EXT1: variants seen among roughly 807,000 people sequenced by gnomAD.
The protein encoded by EXT1 is exostosin-1.
A neutral mutation model predicts 82.5 loss-of-function variants in EXT1; 20 were observed. The ratio of observed to expected loss-of-function variants is 0.24; its 90% confidence interval spans 0.17 to 0.35. The LOEUF (loss-of-function observed/expected upper bound fraction) is 0.35. Ranked by LOEUF, EXT1 falls within the 10% of genes least tolerant of loss-of-function variation. The pLI, the probability that EXT1 is intolerant of heterozygous loss-of-function variation, is 1.00. For synonymous variants in EXT1, 348 were observed against 350.8 expected, an observed-to-expected ratio of 0.99 and a Z score of 0.09; for missense variants, 757 against 936.5, an observed-to-expected ratio of 0.81 and a Z score of 2.50.
rs567852017 is a variant in EXT1 at position 117,795,076 on chromosome 8, A to C, written c.*4636T>G. On this transcript the variant is annotated 3_prime_UTR_variant, in exon 11 of 11. Transcript: ENST00000378204. ...CAGAAATCAAATGGCCTGAGGCCTA[A>C]AAGGCAAATCATTACAAAACCAGAG... is the stretch of plus-strand genomic sequence containing the variant. The C allele has an allele frequency of 6.6e-6, 1 of 152,360 alleles. No homozygotes were observed. The highest frequency in any genetic ancestry group is 2.1e-4 in the South Asian group (1 of 4,828). 9.4% of individuals were successfully genotyped at this position (152,360 alleles called of 1,614,324 possible).
intron 1 of EXT1, among the ~76,000 whole-genome samples, chr8:117,962,749 T>TC (rs200739183): frequency 0.012 from 1,509 of 128,904 alleles, 35 homozygotes; most frequent in African/African-American, 0.048. Flanking sequence ...AAAGACTCCA[T>TC]CCCCCCACAC....
At chr8:118,044,267 GGA>G (rs1816583577) in intron 1 of EXT1, among the ~76,000 whole-genome samples, 1 of 152,166 alleles carries the variant, frequency 6.6e-6, no homozygotes, top group Non-Finnish European at 1.5e-5. Flanking sequence ...TTGATAAAAT[GGA>G]GAGTCAGAGA....
intron 1 of EXT1, among the ~76,000 whole-genome samples, chr8:117,946,478 C>T (rs1421200876): frequency 6.6e-6 from 1 of 152,172 alleles, no homozygotes; most frequent in East Asian, 1.9e-4. Context: ...CTCTCCGGGG[C>T]CTGCTCCTGA....
chr8:117,819,976 G>A (rs1811896573), intron 5 of EXT1, among the ~76,000 whole-genome samples, 182 bp from the exon 6 acceptor site: 1 of 152,184 alleles, frequency 6.6e-6, no homozygotes, highest in South Asian at 2.1e-4. Context: ...GCTACTGCCT[G>A]AGTCTAGAGA....
At chr8:117,942,762 G>C (rs972114830) in intron 1 of EXT1, among the ~76,000 whole-genome samples, 5 of 152,088 alleles carry the variant, frequency 3.3e-5, no homozygotes, top group Non-Finnish European at 5.9e-5. Flanking sequence ...TATCCAACAA[G>C]TTCTGTTGAA....
chr8:118,011,739 G>C (rs914752279), intron 1 of EXT1, among the ~76,000 whole-genome samples: 1 of 152,152 alleles, frequency 6.6e-6, no homozygotes, highest in Non-Finnish European at 1.5e-5. Context: ...CTTTCATTTG[G>C]TTTTCCCAAG....
intron 1 of EXT1, among the ~76,000 whole-genome samples, chr8:117,934,364 A>G (rs1563605708): frequency 6.6e-6 from 1 of 152,248 alleles, no homozygotes; most frequent in Non-Finnish European, 1.5e-5. Flanking sequence ...AGAAGGGGGA[A>G]GCAGGCGCAG....
chr8:118,030,513 A>T lies in EXT1; in HGVS notation c.962+79572T>A, dbSNP rs541774115. On this transcript the variant is annotated intron_variant, in intron 1 of 10. Coordinates refer to ENST00000378204, the MANE Select transcript of EXT1 (RefSeq NM_000127.3). ...TTGTTTGTTTTTTAAATGGAGTTTC[A>T]CTCTGTTGCCCAGGCTGGAGTCCAG... Among the ~76,000 whole-genome samples the T allele has an allele frequency of 5.9e-5, 9 of 152,126 alleles. No homozygotes were observed. The East Asian group carries it at 1.5e-3, about 26-fold the overall frequency.
intron 1 of EXT1, among the ~76,000 whole-genome samples, chr8:117,900,049 G>GGT (rs1324261643): frequency 1.3e-5 from 2 of 152,216 alleles, no homozygotes; most frequent in Non-Finnish European, 2.9e-5. Flanking sequence ...CTACACGGAG[G>GGT]TCCCTGCCTT....
intron 1 of EXT1, among the ~76,000 whole-genome samples, chr8:117,973,027 C>G (rs1481539549): frequency 1.3e-5 from 2 of 152,176 alleles, no homozygotes; most frequent in South Asian, 4.1e-4. Flanking sequence ...AAACCAAGAA[C>G]AGACACATGT....
intron 2 of EXT1, among the ~76,000 whole-genome samples, chr8:117,835,992 A>G (rs1252078313): frequency 1.3e-5 from 2 of 152,246 alleles, no homozygotes; most frequent in Non-Finnish European, 2.9e-5. Flanking sequence ...AACAAAGAGC[A>G]GAATGAAGCT....
intron 1 of EXT1, among the ~76,000 whole-genome samples, chr8:118,061,487 G>A (rs1179266051): frequency 1.3e-5 from 2 of 152,116 alleles, no homozygotes; most frequent in Non-Finnish European, 2.9e-5. Flanking sequence ...GTAGAATCAC[G>A]GGATGGCTCG....
At chr8:117,811,075 T>C (rs1264649353) in intron 8 of EXT1, among the ~76,000 whole-genome samples, 2 of 152,140 alleles carry the variant, frequency 1.3e-5, no homozygotes, top group Non-Finnish European at 2.9e-5. Context: ...AGGTGCCTCA[T>C]TCTCTCTTAT....
chr8:118,024,204 C>A (rs568978974), intron 1 of EXT1, among the ~76,000 whole-genome samples: 7 of 152,324 alleles, frequency 4.6e-5, no homozygotes, highest in African/African-American at 1.7e-4. Flanking sequence ...ACCCTGTAAG[C>A]TAATACCCTT....
intron 1 of EXT1, among the ~76,000 whole-genome samples, chr8:118,003,915 A>G (rs1815724693): frequency 6.6e-6 from 1 of 152,236 alleles, no homozygotes; most frequent in Non-Finnish European, 1.5e-5. Context: ...AGCACAATAA[A>G]CAGAAAAACC....
At chr8:118,068,248 T>C (rs1462078503) in intron 1 of EXT1, among the ~76,000 whole-genome samples, 1 of 152,244 alleles carries the variant, frequency 6.6e-6, no homozygotes, top group Non-Finnish European at 1.5e-5. Context: ...GGTCAGCCTC[T>C]TCTTGGCACC....
intron 10 of EXT1, 91 bp from the exon 11 acceptor site, chr8:117,799,988 A>C: frequency 7.2e-7 from 1 of 1,383,226 alleles, no homozygotes; most frequent in East Asian, 2.4e-5. Context: ...CAAATGAGCA[A>C]GCAGCAAAGC....
intron 1 of EXT1, among the ~76,000 whole-genome samples, chr8:118,027,642 A>G (rs184716622): frequency 2.0e-5 from 3 of 152,268 alleles, no homozygotes; most frequent in Admixed American, 2.0e-4. Flanking sequence ...CCTCTTAGCA[A>G]TTGTCTAGAG....
intron 1 of EXT1, among the ~76,000 whole-genome samples, chr8:117,964,453 C>T (rs1814764433): frequency 6.6e-6 from 1 of 152,192 alleles, no homozygotes. Flanking sequence ...TTAATTAAAT[C>T]ACCCAAATAT....
Sources: gnomAD v4.1 joint callset for allele counts (sites outside exome capture counted in the v4.1 genomes callset) on GRCh38, gnomAD v4.1.1 for gene constraint, MANE v1.5 for transcripts, NCBI Gene and HGNC (gene_info 2026-07-23, HGNC 2026-07-21) for gene names.